Variants in VWA8 observed in about 807,000 individuals in gnomAD.
VWA8 encodes von Willebrand factor A domain containing 8, also known as von Willebrand factor A domain-containing protein 8.
Under a neutral mutation model 241.5 loss-of-function variants are expected in VWA8, and 221 were observed. That is an observed-to-expected ratio of 0.91 (90% CI 0.82 to 1.02). The LOEUF is 1.02. Ranked by LOEUF, VWA8 falls within the 50% of genes least tolerant of loss-of-function variation. VWA8 has a pLI of 0.00. For missense variants in VWA8, 2,322 were observed against 2,328.7 expected (o/e 1.00, Z 0.06); for synonymous variants, 852 against 827.1 (o/e 1.03, Z -0.52).
At chr13:41,943,871 G>A (rs2138155613) in intron 2 of VWA8, among the ~76,000 whole-genome samples, 1 of 152,246 alleles carries the variant, frequency 6.6e-6, no homozygotes, top group South Asian at 2.1e-4. Flanking sequence ...GGAGGCCAAG[G>A]TGGGTGGATC....
At chr13:41,948,556 G>T (rs1490510200) in intron 2 of VWA8, among the ~76,000 whole-genome samples, 1 of 152,124 alleles carries the variant, frequency 6.6e-6, no homozygotes, top group Non-Finnish European at 1.5e-5. Context: ...CAAAAACCAT[G>T]ATGAGTTACT....
Position 41,736,451 on chromosome 13 carries a change from A to C in VWA8, c.2427-4296T>G, listed in dbSNP as rs555446192. Among the ~76,000 whole-genome samples the C allele has an allele frequency of 1.6e-4, 25 of 152,328 alleles. No individual in the cohort carries two copies. In the South Asian group the frequency reaches 5.2e-3, roughly 32 times the overall value. ...GTTTTTATCAAAATAAGGAAAGAAAACTGGCCTCTAGAGAGCAAGCACAAT... is the reference window on the plus strand; with the variant it reads ...GTTTTTATCAAAATAAGGAAAGAAACCTGGCCTCTAGAGAGCAAGCACAAT... On this transcript the variant is annotated intron_variant, in intron 21 of 44. Coordinates refer to ENST00000379310, the MANE Select transcript of VWA8 (RefSeq NM_015058.2).
In VWA8 at chr13:41,573,610, C is replaced by CATATATATATATATATATATATATAT. The variant is rs1239166610; in HGVS notation, c.5370+2129_5370+2130insATATATATATATATATATATATATAT. Among the ~76,000 whole-genome samples the CATATATATATATATATATATATATAT allele has an allele frequency of 6.3e-3, 877 of 140,086 alleles. 11 individuals carry two copies. The highest frequency in any genetic ancestry group is 8.2e-3 in the Non-Finnish European group (546 of 66,402). 91.9% of individuals were successfully genotyped at this position (140,086 alleles called of 152,430 possible). Reference sequence around the variant, plus strand: ...ATATATATACACCTCTATATATACGCATATATATGGTGTGTGTGTGTGTGA... The same window carrying CATATATATATATATATATATATATAT: ...ATATATATACACCTCTATATATACGCATATATATATATATATATATATATATATATATATGGTGTGTGTGTGTGTGA... On this transcript the variant is annotated intron_variant, in intron 43 of 44. Transcript: ENST00000379310.
chr13:41,960,954 C>G lies in VWA8; in HGVS notation c.62G>C (p.Arg21Pro), dbSNP rs1485165103. 1.4e-6 allele frequency: 2 copies of G among 1,461,302 alleles called. No individual in the cohort carries two copies. Among genetic ancestry groups the G allele is most frequent in the East Asian group, 5.9e-5 (2 of 34,066 alleles). The allele number at this position is 1,461,302 out of a possible 1,614,324, so 90.5% of individuals were successfully genotyped here. ...PGGHGGPASR[R>P]MRLLLRQVVQ... ...CACCTGCCGCAGGAGCAGCCGCATG[C>G]GCCGCGAGGCCGGGCCGCCGTGGCC... The change falls in exon 1 of 45, where the codon CGC (arginine) becomes CCC (proline). Residue 21 changes from arginine (R) to proline (P), a missense_variant. Transcript: ENST00000379310.
intron 20 of VWA8, among the ~76,000 whole-genome samples, chr13:41,767,467 C>T (rs2045786748): frequency 6.6e-6 from 1 of 152,116 alleles, no homozygotes; most frequent in Non-Finnish European, 1.5e-5. Flanking sequence ...ATTCTTTGGT[C>T]TTATAACAAA....
chr13:41,765,483 G>T (rs1364429454), intron 20 of VWA8, among the ~76,000 whole-genome samples: 1 of 152,190 alleles, frequency 6.6e-6, no homozygotes, highest in South Asian at 2.1e-4. Flanking sequence ...ATCTAGGAAA[G>T]AATTTCTGTA....
chr13:41,624,959 A>C (rs555458870), intron 37 of VWA8, among the ~76,000 whole-genome samples: 1 of 152,336 alleles, frequency 6.6e-6, no homozygotes, highest in South Asian at 2.1e-4. Flanking sequence ...ACTGATAAAC[A>C]ACTTCAGTAA....
Position 41,569,906 on chromosome 13 carries a change from G to A in VWA8, c.5609+562C>T, listed in dbSNP as rs531677889. Among the ~76,000 whole-genome samples the A allele has an allele frequency of 5.9e-5, 9 of 151,870 alleles. No individual in the cohort carries two copies. In the South Asian group the frequency reaches 1.5e-3, roughly 25 times the overall value. The stretch of plus-strand genomic sequence containing the variant: ...TATATGTATATTATCTTATGTTGTC[G>A]CCAAGTGTTTCACCTGCCTTGTCTC... On this transcript the variant is annotated intron_variant, in intron 44 of 44. Coordinates refer to ENST00000379310, the MANE Select transcript of VWA8 (RefSeq NM_015058.2).
intron 17 of VWA8, among the ~76,000 whole-genome samples, chr13:41,789,687 G>A (rs1869364998): frequency 6.6e-6 from 1 of 152,132 alleles, no homozygotes; most frequent in African/African-American, 2.4e-5. Flanking sequence ...GTCTGTTAAG[G>A]GTCGGGGTAT....
chr13:41,777,911 C>T, intron 20 of VWA8, 74 bp downstream of exon 20: 4 of 1,308,768 alleles, frequency 3.1e-6, no homozygotes, highest in Non-Finnish European at 3.2e-6. Context: ...CTGATTCCAA[C>T]AAGAAGAAAC....
At chr13:41,844,430 C>T (rs1224554652) in intron 12 of VWA8, among the ~76,000 whole-genome samples, 1 of 152,118 alleles carries the variant, frequency 6.6e-6, no homozygotes, top group Non-Finnish European at 1.5e-5. Flanking sequence ...AACAACTGAA[C>T]AAGACAAGGA....
At chr13:41,695,830 T>C (rs1311857955) in intron 29 of VWA8, among the ~76,000 whole-genome samples, 1 of 152,190 alleles carries the variant, frequency 6.6e-6, no homozygotes, top group African/African-American at 2.4e-5. Flanking sequence ...TGAAAGTAAT[T>C]GAAATTAAAT....
chr13:41,604,002 T>C (rs939513969), intron 40 of VWA8, among the ~76,000 whole-genome samples: 1 of 152,198 alleles, frequency 6.6e-6, no homozygotes, highest in Non-Finnish European at 1.5e-5. Context: ...CTATCTCTAA[T>C]GCCTGGTGTG....
intron 28 of VWA8, 105 bp from the exon 29 acceptor site, chr13:41,699,375 T>G: frequency 1.9e-6 from 2 of 1,069,530 alleles, no homozygotes; most frequent in Admixed American, 1.9e-5. Context: ...GGAACAGAGT[T>G]GGAACTCAGC....
chr13:41,812,343 G>A (rs1000035241), intron 16 of VWA8, among the ~76,000 whole-genome samples: 11 of 152,156 alleles, frequency 7.2e-5, no homozygotes, highest in African/African-American at 2.7e-4. Context: ...TAGATCAGCA[G>A]CATTAGAAGA....
chr13:41,861,346 A>G (rs984474204), intron 12 of VWA8, among the ~76,000 whole-genome samples: 1 of 152,218 alleles, frequency 6.6e-6, no homozygotes, highest in Non-Finnish European at 1.5e-5. Flanking sequence ...CATAGCCAAC[A>G]TCATACTGAA....
At chr13:41,757,171 G>C (rs1226233498) in intron 21 of VWA8, among the ~76,000 whole-genome samples, 3 of 151,664 alleles carry the variant, frequency 2.0e-5, no homozygotes, top group African/African-American at 7.3e-5. Flanking sequence ...TTCAGATTCA[G>C]GGGAACATAG....
intron 27 of VWA8, among the ~76,000 whole-genome samples, 167 bp downstream of exon 27, chr13:41,703,136 C>T (rs1425215841): frequency 6.6e-6 from 1 of 152,106 alleles, no homozygotes; most frequent in Non-Finnish European, 1.5e-5. Context: ...TTCTATTTAG[C>T]CTTTAGGAAT....
chr13:41,813,786 C>G (rs1323847344), intron 16 of VWA8, among the ~76,000 whole-genome samples: 1 of 152,092 alleles, frequency 6.6e-6, no homozygotes, highest in Non-Finnish European at 1.5e-5. Flanking sequence ...AATCTCTGCT[C>G]TCACATTATT....
Sources: gnomAD v4.1 joint callset for allele counts (sites outside exome capture counted in the v4.1 genomes callset) on GRCh38, gnomAD v4.1.1 for gene constraint, MANE v1.5 for transcripts, NCBI Gene and HGNC (gene_info 2026-07-23, HGNC 2026-07-21) for gene names.